LRRC4C: variants seen among roughly 807,000 people sequenced by gnomAD.
LRRC4C encodes the protein leucine-rich repeat-containing protein 4C.
Under a neutral mutation model 33.6 loss-of-function variants are expected in LRRC4C, and 5 were observed. The observed-to-expected ratio is 0.15, with a 90% CI of 0.08 to 0.31. LRRC4C has a LOEUF of 0.31. Ranked by LOEUF, LRRC4C falls within the 10% of genes least tolerant of loss-of-function variation. The pLI is 1.00. For missense variants in LRRC4C, 560 were observed against 796.7 expected (o/e 0.70, Z 3.58); for synonymous variants, 329 against 302.0 (o/e 1.09, Z -0.93).
rs943489475 is a variant in LRRC4C at position 40,588,472 on chromosome 11, T to A, written c.-270+59670A>T. ...TTTGAAGGGTTTTTTGTGTCTCTATTTCCTTCAGTTCTGCTCTGATTTTAG... is the reference window on the plus strand; with the variant it reads ...TTTGAAGGGTTTTTTGTGTCTCTATATCCTTCAGTTCTGCTCTGATTTTAG... On this transcript the variant is annotated intron_variant, in intron 3 of 6. Transcript: ENST00000528697. Among the ~76,000 whole-genome samples the A allele has an allele frequency of 6.6e-5, 10 of 151,802 alleles. 1 individual carries two copies. The highest frequency in any genetic ancestry group is 1.9e-4 in the African/African-American group (8 of 41,448).
intron 1 of LRRC4C, among the ~76,000 whole-genome samples, chr11:41,427,095 G>A (rs1465624708): frequency 6.6e-6 from 1 of 152,140 alleles, no homozygotes; most frequent in East Asian, 1.9e-4. Context: ...TGTACAGGGA[G>A]GGAAGGAATT....
At chr11:40,277,758 G>C (rs959498326) in intron 4 of LRRC4C, among the ~76,000 whole-genome samples, 1 of 151,998 alleles carries the variant, frequency 6.6e-6, no homozygotes, top group Non-Finnish European at 1.5e-5. Flanking sequence ...CTGCTTATTT[G>C]CTTGCGGATT....
At position 40,779,438 on chromosome 11, in the gene LRRC4C, T is replaced by G. The variant is rs1950133881; in HGVS notation, c.-406-131160A>C. 2.6e-5 allele frequency among the ~76,000 whole-genome samples: 4 copies of G among 152,300 alleles called. No individual in the cohort carries two copies. The South Asian group carries it at 8.3e-4, about 32-fold the overall frequency. Reference sequence around the variant, plus strand: ...CACTTGCATAACTTACATAATATATTGATTAATTGAAATATAAATCAGAGA... The same window carrying G: ...CACTTGCATAACTTACATAATATATGGATTAATTGAAATATAAATCAGAGA... On this transcript the variant is annotated intron_variant, in intron 2 of 6. Transcript: ENST00000528697.
chr11:41,357,242 C>A (rs573725180), intron 1 of LRRC4C, among the ~76,000 whole-genome samples: 2 of 152,092 alleles, frequency 1.3e-5, no homozygotes, highest in South Asian at 2.1e-4. Flanking sequence ...GACCTTAATG[C>A]TCTTAATCTA....
At chr11:40,999,621 A>C (rs2137362501) in intron 1 of LRRC4C, among the ~76,000 whole-genome samples, 1 of 152,284 alleles carries the variant, frequency 6.6e-6, no homozygotes, top group East Asian at 1.9e-4. Flanking sequence ...ATAAATCAAA[A>C]GTACTACATT....
At chr11:40,187,052 G>A (rs1334731483) in intron 5 of LRRC4C, among the ~76,000 whole-genome samples, 1 of 152,124 alleles carries the variant, frequency 6.6e-6, no homozygotes, top group Non-Finnish European at 1.5e-5. Context: ...ACCAACAAAG[G>A]AGCCGCGGCG....
At chr11:40,589,020 G>T (rs1282497905) in intron 3 of LRRC4C, among the ~76,000 whole-genome samples, 3 of 151,942 alleles carry the variant, frequency 2.0e-5, no homozygotes, top group Admixed American at 6.6e-5. Flanking sequence ...GAGTTCAATT[G>T]CTGGGTATCC....
At chr11:41,221,947 C>T (rs555470423) in intron 1 of LRRC4C, among the ~76,000 whole-genome samples, 2 of 152,296 alleles carry the variant, frequency 1.3e-5, no homozygotes, top group East Asian at 3.9e-4. Flanking sequence ...TCCACTCCAA[C>T]ACACATCCCA....
At chr11:40,827,329 A>G (rs1952207822) in intron 2 of LRRC4C, among the ~76,000 whole-genome samples, 1 of 151,966 alleles carries the variant, frequency 6.6e-6, no homozygotes, top group Non-Finnish European at 1.5e-5. Context: ...CTGCCAAAGG[A>G]GTACCATGTG....
chr11:40,171,304 A>C (rs4237677), intron 5 of LRRC4C, among the ~76,000 whole-genome samples: 28,367 of 152,142 alleles, frequency 0.19, 2,896 homozygotes, highest in East Asian at 0.42. Context: ...GAATGCATAA[A>C]ATAAAATCAC....
chr11:40,482,912 A>G (rs1322375078), intron 3 of LRRC4C, among the ~76,000 whole-genome samples: 1 of 152,202 alleles, frequency 6.6e-6, no homozygotes, highest in Non-Finnish European at 1.5e-5. Flanking sequence ...TGTACCTTCA[A>G]TGGGAGGAAT....
At chr11:40,955,465 C>G (rs1194378468) in intron 1 of LRRC4C, among the ~76,000 whole-genome samples, 1 of 151,696 alleles carries the variant, frequency 6.6e-6, no homozygotes. Flanking sequence ...ATAAAAAACC[C>G]TATTTTTTAG....
At chr11:40,464,986 A>G (rs1181383294) in intron 3 of LRRC4C, among the ~76,000 whole-genome samples, 1 of 152,060 alleles carries the variant, frequency 6.6e-6, no homozygotes, top group Non-Finnish European at 1.5e-5. Context: ...TATGGAACCA[A>G]AAAAGCACCT....
intron 3 of LRRC4C, among the ~76,000 whole-genome samples, chr11:40,473,466 C>T (rs749969959): frequency 1.3e-5 from 2 of 152,026 alleles, no homozygotes; most frequent in Non-Finnish European, 2.9e-5. Context: ...ATAATAAGAG[C>T]TATTTATGAC....
intron 3 of LRRC4C, among the ~76,000 whole-genome samples, chr11:40,564,245 C>T (rs568083372): frequency 1.4e-4 from 22 of 152,234 alleles, no homozygotes; most frequent in South Asian, 4.1e-4. Flanking sequence ...GAGACAACAA[C>T]GGCCAATGCT....
At chr11:40,621,233 A>G (rs1463555396) in intron 3 of LRRC4C, among the ~76,000 whole-genome samples, 2 of 151,634 alleles carry the variant, frequency 1.3e-5, no homozygotes, top group African/African-American at 4.8e-5. Flanking sequence ...ATTCCATTTA[A>G]ATCCCTTTAA....
chr11:40,627,333 T>C (rs1963050496), intron 3 of LRRC4C, among the ~76,000 whole-genome samples: 1 of 150,678 alleles, frequency 6.6e-6, no homozygotes, highest in Non-Finnish European at 1.5e-5. Context: ...GCAGAGGAAA[T>C]AGCGAATGTT....
intron 1 of LRRC4C, among the ~76,000 whole-genome samples, chr11:41,006,040 C>T (rs957790964): frequency 6.6e-6 from 1 of 151,888 alleles, no homozygotes; most frequent in Admixed American, 6.6e-5. Context: ...AATTTTATAT[C>T]TTAGCCAGAA....
chr11:40,329,891 G>A (rs1946280583), intron 3 of LRRC4C, among the ~76,000 whole-genome samples: 2 of 151,832 alleles, frequency 1.3e-5, no homozygotes, highest in Admixed American at 1.3e-4. Context: ...ACAGGCATTT[G>A]CCAACACACC....
Sources: gnomAD v4.1 joint callset for allele counts (sites outside exome capture counted in the v4.1 genomes callset) on GRCh38, gnomAD v4.1.1 for gene constraint, MANE v1.5 for transcripts, NCBI Gene and HGNC (gene_info 2026-07-23, HGNC 2026-07-21) for gene names.